PRKCA: variants seen among roughly 807,000 people sequenced by gnomAD.
PRKCA encodes protein kinase C alpha type.
In PRKCA, 27 loss-of-function variants were observed where a neutral mutation model predicts 87.0. The observed-to-expected ratio is 0.31, with a 90% CI of 0.23 to 0.43. PRKCA has a LOEUF of 0.43. Among genes scored for constraint, PRKCA ranks in the 20% least tolerant of loss-of-function variants. The pLI, the probability that PRKCA is intolerant of heterozygous loss-of-function variation, is 1.00. For synonymous variants in PRKCA, 329 were observed against 311.1 expected (o/e 1.06, Z -0.61); for missense variants, 518 against 852.3 (o/e 0.61, Z 4.88).
chr17:66,456,997 G>C (rs533316316), intron 2 of PRKCA, among the ~76,000 whole-genome samples: 7 of 152,304 alleles, frequency 4.6e-5, no homozygotes, highest in Admixed American at 1.3e-4. Context: ...TGAGTAGGGA[G>C]TGAGAGGTTC....
intron 5 of PRKCA, among the ~76,000 whole-genome samples, chr17:66,651,610 G>T (rs999183514): frequency 6.6e-6 from 1 of 152,200 alleles, no homozygotes; most frequent in South Asian, 2.1e-4. Flanking sequence ...AAAGGAAAAG[G>T]CATTAGTTGG....
chr17:66,306,766 C>T (rs1426900767), intron 2 of PRKCA, among the ~76,000 whole-genome samples: 4 of 152,108 alleles, frequency 2.6e-5, no homozygotes, highest in African/African-American at 4.8e-5. Context: ...TCACACACAT[C>T]GAATATCTAA....
In PRKCA at chr17:66,689,247, T is replaced by G. The variant is rs1972714430; in HGVS notation, c.918+200T>G. 1.3e-5 allele frequency among the ~76,000 whole-genome samples: 2 copies of G among 152,196 alleles called. No individual in the cohort carries two copies. The highest frequency in any genetic ancestry group is 2.9e-5 in the Non-Finnish European group (2 of 68,034). On this transcript the variant is annotated intron_variant, in intron 8 of 16. Coordinates refer to ENST00000413366, the MANE Select transcript of PRKCA (RefSeq NM_002737.3). This position sits in a 1 kb window ranked among gnomAD's most constrained non-coding sequence, Gnocchi z 4.1. ...GTTGACTTTTTATGACTCTTACCAC[T>G]TAGAAAATGGAAACTGGAAATATCG... is the stretch of plus-strand genomic sequence containing the variant.
chr17:66,483,547 T>C (rs1446372521), intron 2 of PRKCA, among the ~76,000 whole-genome samples: 1 of 151,976 alleles, frequency 6.6e-6, no homozygotes, highest in East Asian at 1.9e-4. Context: ...CCCTGCAAGC[T>C]CCACCTCCCA....
At chr17:66,695,788 A>G (rs1972903766) in intron 8 of PRKCA, among the ~76,000 whole-genome samples, 1 of 152,208 alleles carries the variant, frequency 6.6e-6, no homozygotes, top group Non-Finnish European at 1.5e-5. Context: ...TTTGTCTGCG[A>G]TGGGATATTT....
chr17:66,729,319 G>A (rs35543107), intron 8 of PRKCA, among the ~76,000 whole-genome samples: 19,815 of 152,148 alleles, frequency 0.13, 1,626 homozygotes, highest in East Asian at 0.22. Context: ...CAGGAGAATC[G>A]CTTGAACCCA....
At chr17:66,727,761 C>T (rs554803672) in intron 8 of PRKCA, among the ~76,000 whole-genome samples, 2 of 152,140 alleles carry the variant, frequency 1.3e-5, no homozygotes, top group East Asian at 3.9e-4. Flanking sequence ...GGGGGAGAAA[C>T]GGCAGGCCAG....
rs568744947 is a variant in PRKCA, at chr17:66,318,598, T to C, written c.205+12471T>C. On this transcript the variant is annotated intron_variant, in intron 2 of 16. Transcript: ENST00000413366. ...GGTTGGGCGTGGTGGCTCACGCCTA[T>C]AATCCCAGCACTTTGGGAGGCCGAG... 3.3e-5 allele frequency among the ~76,000 whole-genome samples: 5 copies of C among 152,334 alleles called. No individual in the cohort carries two copies. The South Asian group carries it at 8.3e-4, about 25-fold the overall frequency.
Position 66,687,293 on chromosome 17 carries a change from T to A in PRKCA, c.686+26T>A, listed in dbSNP as rs1003737370. 12 of 1,606,376 alleles carry A rather than the reference T, an allele frequency of 7.5e-6. No individual in the cohort carries two copies. In the African/African-American group the frequency reaches 1.6e-4, roughly 22 times the overall value. Reference sequence around the variant, plus strand: ...GTAAGTGGTCTCTCCTTGATCAAATTTCATTCCTATACACCATGCAGTTGC... The same window carrying A: ...GTAAGTGGTCTCTCCTTGATCAAATATCATTCCTATACACCATGCAGTTGC... On this transcript the variant is annotated intron_variant, in intron 6 of 16. Coordinates refer to ENST00000413366, the MANE Select transcript of PRKCA (RefSeq NM_002737.3).
intron 2 of PRKCA, among the ~76,000 whole-genome samples, chr17:66,379,762 T>C (rs1395964460): frequency 1.3e-5 from 2 of 152,326 alleles, no homozygotes; most frequent in Admixed American, 6.5e-5. Flanking sequence ...CGGTCACTTA[T>C]GCTTTTGGCG....
chr17:66,453,369 G>A (rs1914422006), intron 2 of PRKCA, among the ~76,000 whole-genome samples: 1 of 151,284 alleles, frequency 6.6e-6, no homozygotes, highest in South Asian at 2.1e-4. Flanking sequence ...CCAGACTGGA[G>A]CGCAGTGGCT....
At chr17:66,397,371 G>A (rs896660724) in intron 2 of PRKCA, among the ~76,000 whole-genome samples, 5 of 150,726 alleles carry the variant, frequency 3.3e-5, no homozygotes, top group African/African-American at 1.2e-4. Flanking sequence ...CCTGGGGTGT[G>A]AGTGCCTTTT....
chr17:66,435,283 T>C (rs1281543202), intron 2 of PRKCA, among the ~76,000 whole-genome samples: 1 of 152,210 alleles, frequency 6.6e-6, no homozygotes, highest in Non-Finnish European at 1.5e-5. Context: ...TCACAGTACC[T>C]TGCTAGACCA....
intron 11 of PRKCA, among the ~76,000 whole-genome samples, chr17:66,740,960 C>T (rs73329799): frequency 0.14 from 21,978 of 152,100 alleles, 2,391 homozygotes; most frequent in African/African-American, 0.3. Flanking sequence ...CCTCTCTGCT[C>T]GTGTAGACAC....
intron 3 of PRKCA, among the ~76,000 whole-genome samples, chr17:66,635,541 G>T (rs762876580): frequency 6.6e-6 from 1 of 152,156 alleles, no homozygotes; most frequent in Non-Finnish European, 1.5e-5. Context: ...AGAGAAAAGC[G>T]TCCTAATTCT....
At chr17:66,563,926 T>C (rs1968791354) in intron 3 of PRKCA, among the ~76,000 whole-genome samples, 1 of 152,162 alleles carries the variant, frequency 6.6e-6, no homozygotes, top group Non-Finnish European at 1.5e-5. Context: ...ATAAAACATT[T>C]AAAAATTGTT....
chr17:66,790,162 GCACA>G (rs1257615895), intron 16 of PRKCA, among the ~76,000 whole-genome samples: 1 of 152,244 alleles, frequency 6.6e-6, no homozygotes, highest in Non-Finnish European at 1.5e-5. Flanking sequence ...CAACTGGGTG[GCACA>G]CAGCCTTATT....
At chr17:66,679,383 G>C (rs182842921) in intron 5 of PRKCA, among the ~76,000 whole-genome samples, 4 of 151,952 alleles carry the variant, frequency 2.6e-5, no homozygotes, top group Non-Finnish European at 5.9e-5. Context: ...GGGTTTCACC[G>C]TGTTAGCCAG....
At chr17:66,737,138 A>G (rs1171827362) in intron 10 of PRKCA, among the ~76,000 whole-genome samples, 8 of 151,444 alleles carry the variant, frequency 5.3e-5, no homozygotes, top group Non-Finnish European at 8.8e-5. Context: ...AGATCACGAG[A>G]TCAGGAGATC....
Sources: gnomAD v4.1 joint callset for allele counts (sites outside exome capture counted in the v4.1 genomes callset) on GRCh38, gnomAD v4.1.1 for gene constraint, Gnocchi (gnomAD v3.1) non-coding constraint, MANE v1.5 for transcripts, NCBI Gene and HGNC (gene_info 2026-07-23, HGNC 2026-07-21) for gene names.